The following TRPM1 variants were observed in gnomAD, a reference collection of about 807,000 sequenced individuals.
The protein encoded by TRPM1 is transient receptor potential cation channel subfamily M member 1, also known as TRPM1-203 APA Isoform, Intron 10.
Under a neutral mutation model 149.4 loss-of-function variants are expected in TRPM1, and 113 were observed. The observed-to-expected ratio is 0.76, with a 90% CI of 0.65 to 0.88. The LOEUF (loss-of-function observed/expected upper bound fraction) is 0.88. Among genes scored for constraint, TRPM1 ranks in the 40% least tolerant of loss-of-function variants. The pLI, the probability that TRPM1 is intolerant of heterozygous loss-of-function variation, is 0.00. For missense variants in TRPM1, 1,976 were observed against 2,038.7 expected (o/e 0.97, Z 0.59); for synonymous variants, 741 against 759.5 (o/e 0.98, Z 0.40).
intron 1 of TRPM1, among the ~76,000 whole-genome samples, chr15:31,098,752 G>T (rs1207577540): frequency 6.6e-6 from 1 of 152,048 alleles, no homozygotes; most frequent in Non-Finnish European, 1.5e-5. Context: ...TACCCACCCT[G>T]GGGGAGCAGA....
chr15:31,035,443 G>T, intron 21 of TRPM1, 103 bp downstream of exon 21: 1 of 1,534,166 alleles, frequency 6.5e-7, no homozygotes, highest in Non-Finnish European at 9.0e-7. Flanking sequence ...ACCACGCCTG[G>T]CCCAACATGC....
At chr15:31,112,427 G>C (rs375918445) in intron 1 of TRPM1, among the ~76,000 whole-genome samples, 1 of 152,150 alleles carries the variant, frequency 6.6e-6, no homozygotes, top group Non-Finnish European at 1.5e-5. Flanking sequence ...GTGGTGAGCC[G>C]AGATCGTGCC....
chr15:31,065,483 G>A (rs969927767), intron 7 of TRPM1, among the ~76,000 whole-genome samples: 2 of 152,186 alleles, frequency 1.3e-5, no homozygotes, highest in Non-Finnish European at 2.9e-5. Context: ...ATTCTAACCA[G>A]TTGTTATCAT....
At chr15:31,011,666 CTT>C (rs71106664) in intron 27 of TRPM1, among the ~76,000 whole-genome samples, 22 of 138,834 alleles carry the variant, frequency 1.6e-4, no homozygotes, top group Admixed American at 2.2e-4. Flanking sequence ...ATGCCAATTA[CTT>C]TTTTTTTTTT....
intron 1 of TRPM1, among the ~76,000 whole-genome samples, chr15:31,133,208 G>T (rs2036041374): frequency 6.6e-6 from 1 of 152,032 alleles, no homozygotes; most frequent in African/African-American, 2.4e-5. Context: ...AGGCTGAGGT[G>T]GGCGGATCAC....
chr15:31,069,845 C>T (rs764505874), intron 4 of TRPM1, 186 bp downstream of exon 4: 25 of 1,553,244 alleles, frequency 1.6e-5, no homozygotes, highest in Non-Finnish European at 7.8e-6. Flanking sequence ...ACAGTGGTGT[C>T]CAGTTTCCAA....
At chr15:31,121,010 C>T (rs1463026899) in intron 1 of TRPM1, among the ~76,000 whole-genome samples, 2 of 151,816 alleles carry the variant, frequency 1.3e-5, no homozygotes, top group Non-Finnish European at 2.9e-5. Flanking sequence ...GGGCAGATCA[C>T]GAGGTCAGAA....
intron 27 of TRPM1, among the ~76,000 whole-genome samples, chr15:31,024,795 G>T (rs909008689): frequency 2.6e-5 from 4 of 152,202 alleles, no homozygotes; most frequent in Non-Finnish European, 1.5e-5. Context: ...TTCTCATGAA[G>T]AAATAATTTT....
chr15:31,052,529 C>A (rs2033972794), intron 11 of TRPM1, among the ~76,000 whole-genome samples: 1 of 152,116 alleles, frequency 6.6e-6, no homozygotes, highest in African/African-American at 2.4e-5. Flanking sequence ...AATCCCAGCA[C>A]GTTGGGAGGC....
At chr15:31,095,299 G>A (rs560294981) in intron 1 of TRPM1, among the ~76,000 whole-genome samples, 3 of 152,324 alleles carry the variant, frequency 2.0e-5, no homozygotes, top group African/African-American at 7.2e-5. Context: ...AGACAAGGTA[G>A]TTGCATGACC....
intron 1 of TRPM1, among the ~76,000 whole-genome samples, chr15:31,099,783 G>T (rs928944047): frequency 1.3e-5 from 2 of 152,122 alleles, no homozygotes; most frequent in Admixed American, 1.3e-4. Context: ...GCAGAGAATA[G>T]ACAATTTATG....
chr15:31,109,494 C>T (rs28464536), intron 1 of TRPM1, among the ~76,000 whole-genome samples: 6,559 of 151,492 alleles, frequency 0.043, 180 homozygotes, highest in Middle Eastern at 0.062. Flanking sequence ...GTCTGGAGTT[C>T]GAGATCAACC....
upstream of TRPM1, among the ~76,000 whole-genome samples, chr15:31,105,288 T>C (rs2141019267): frequency 6.6e-6 from 1 of 152,332 alleles, no homozygotes; most frequent in South Asian, 2.1e-4. Context: ...ATCTTGTACA[T>C]TTCTTGCCGC....
chr15:31,093,197 G>T, intron 1 of TRPM1, among the ~76,000 whole-genome samples: 1 of 141,254 alleles, frequency 7.1e-6, no homozygotes, highest in South Asian at 2.3e-4. Context: ...GGAGGCAGAG[G>T]TTGCACTAAG....
In TRPM1 at chr15:31,002,730, A is replaced by G. The variant is rs201888584; in HGVS notation, c.3970T>C (p.Cys1324Arg). 4.6e-4 allele frequency: 749 copies of G among 1,614,066 alleles called. No homozygotes were observed. The highest frequency in any genetic ancestry group is 6.1e-4 in the Non-Finnish European group (714 of 1,180,044). Residue 1324 changes from cysteine (C) to arginine (R), a missense_variant, in exon 28 of 28, where the codon TGT becomes CGT. Physicochemically the swap from Cys to Arg is radical, Grantham distance 180. Around this residue, in one of 3 missense-constraint regions of TRPM1, gnomAD observed 572 missense variants for 578.9 expected, o/e 0.99. Coordinates refer to ENST00000256552, the MANE Select transcript of TRPM1 (RefSeq NM_001252024.2). Reference sequence around the variant, plus strand: ...TTCTCTTCCTTTATACGGAAGGAACAGGTTTTTTTCCTGACTCCTGTCCCT... The same window carrying G: ...TTCTCTTCCTTTATACGGAAGGAACGGGTTTTTTTCCTGACTCCTGTCCCT... ...SPGTGVRKKT[C>R]SFRIKEEKDV...
chr15:31,055,924 A>G (rs541541015), intron 11 of TRPM1, among the ~76,000 whole-genome samples: 5 of 152,374 alleles, frequency 3.3e-5, no homozygotes, highest in Admixed American at 3.3e-4. Flanking sequence ...GGGAGAAAAT[A>G]GAGATAATCT....
chr15:31,085,077 G>A (rs1370615990), intron 1 of TRPM1, among the ~76,000 whole-genome samples: 2 of 152,094 alleles, frequency 1.3e-5, no homozygotes, highest in African/African-American at 4.8e-5. Context: ...GTTTGTGGGA[G>A]GGGATACAGA....
chr15:31,088,967 C>G (rs1366030452), intron 1 of TRPM1, among the ~76,000 whole-genome samples: 2 of 152,104 alleles, frequency 1.3e-5, no homozygotes, highest in South Asian at 2.1e-4. Flanking sequence ...CAGTGGGGCT[C>G]CCAGCACTTT....
At chr15:31,120,371 T>C (rs1431155234) in intron 1 of TRPM1, among the ~76,000 whole-genome samples, 2 of 152,144 alleles carry the variant, frequency 1.3e-5, no homozygotes, top group Non-Finnish European at 2.9e-5. Flanking sequence ...TTGATGTGTA[T>C]GTGTCTAACA....
Sources: gnomAD v4.1 joint callset for allele counts (sites outside exome capture counted in the v4.1 genomes callset) on GRCh38, gnomAD v4.1.1 for gene constraint, gnomAD v4.1.1 regional missense constraint, MANE v1.5 for transcripts, NCBI Gene and HGNC (gene_info 2026-07-23, HGNC 2026-07-21) for gene names.